Variants in PRRX1 observed in about 807,000 individuals in gnomAD.
PRRX1 encodes paired mesoderm homeobox protein 1.
PRRX1 carries 8 observed loss-of-function variants against 24.0 expected under a neutral mutation model. The observed-to-expected ratio is 0.33, with a 90% CI of 0.20 to 0.60. The LOEUF (loss-of-function observed/expected upper bound fraction) is 0.60, where lower values mean the gene tolerates loss of function less well. Ranked by LOEUF, PRRX1 falls within the 20% of genes least tolerant of loss-of-function variation. PRRX1 has a pLI of 0.82. For synonymous variants in PRRX1, 160 were observed against 131.7 expected, an observed-to-expected ratio of 1.22 and a Z score of -1.47; for missense variants, 281 against 322.4, an observed-to-expected ratio of 0.87 and a Z score of 0.98.
Position 170,664,244 on chromosome 1 carries a change from T to A in PRRX1, c.26T>A (p.Leu9Gln). The A allele has an allele frequency of 4.3e-6, 7 of 1,612,262 alleles. No individual in the cohort carries two copies. The highest frequency in any genetic ancestry group is 5.9e-6 in the Non-Finnish European group (7 of 1,179,484). The change falls in exon 1 of 4, where the codon CTG becomes CAG. Residue 9 changes from leucine (L) to glutamine (Q), a missense_variant. By Grantham distance (113) the Leu-to-Gln change is moderately radical. Coordinates refer to ENST00000239461, the MANE Select transcript of PRRX1 (RefSeq NM_022716.4). ...ATGACCTCCAGCTACGGGCACGTTC[T>A]GGAGCGGCAACCGGCGCTGGGCGGC... The part of the protein sequence containing the change: MTSSYGHV[L>Q]ERQPALGGRL...
At chr1:170,668,589 C>T (rs901002268) in intron 1 of PRRX1, 4 of 152,204 alleles carry the variant, frequency 2.6e-5, no homozygotes, top group Non-Finnish European at 4.4e-5. Flanking sequence ...AAACGCAGCG[C>T]AAAGGAATTG....
At chr1:170,689,582 T>G (rs1035488004) in intron 1 of PRRX1, among the ~76,000 whole-genome samples, 12 of 152,158 alleles carry the variant, frequency 7.9e-5, no homozygotes, top group Non-Finnish European at 1.3e-4. Flanking sequence ...TGACCAGATG[T>G]CTATGCCAAG....
chr1:170,693,756 A>C (rs1216820083), intron 1 of PRRX1, among the ~76,000 whole-genome samples: 2 of 152,074 alleles, frequency 1.3e-5, no homozygotes, highest in African/African-American at 4.8e-5. Context: ...CAGACCTTGA[A>C]TCAGACTAAA....
chr1:170,721,622 C>T (rs1383278090), intron 2 of PRRX1, among the ~76,000 whole-genome samples: 1 of 152,128 alleles, frequency 6.6e-6, no homozygotes, highest in Non-Finnish European at 1.5e-5. Flanking sequence ...CCTGTGGGGC[C>T]CCTGAGGGTA....
rs1251741705 is a variant in PRRX1, at chr1:170,713,245, A to T, written c.242-6481A>T. On this transcript the variant is annotated intron_variant, in intron 1 of 3. Coordinates refer to ENST00000239461, the MANE Select transcript of PRRX1 (RefSeq NM_022716.4). ...TGGAGTTATAGCCTAAAACAGATTCATCATCACACGGAAAATGCCCACATA... is the reference window on the plus strand; with the variant it reads ...TGGAGTTATAGCCTAAAACAGATTCTTCATCACACGGAAAATGCCCACATA... 2.0e-5 allele frequency among the ~76,000 whole-genome samples: 3 copies of T among 152,210 alleles called. No homozygotes were observed. The East Asian group carries it at 5.8e-4, about 29-fold the overall frequency.
intron 1 of PRRX1, among the ~76,000 whole-genome samples, chr1:170,693,098 G>A (rs927807585): frequency 1.3e-5 from 2 of 151,988 alleles, no homozygotes; most frequent in Non-Finnish European, 1.5e-5. Context: ...GCAATTCTGG[G>A]AGACTGCAAT....
chr1:170,662,912 G>T (rs1349061646), upstream of PRRX1: 2 of 152,122 alleles, frequency 1.3e-5, no homozygotes, highest in Non-Finnish European at 2.9e-5. Context: ...TAATCAGCAC[G>T]TTTGAAGTGA....
At chr1:170,708,245 C>A (rs1654628621) in intron 1 of PRRX1, among the ~76,000 whole-genome samples, 1 of 152,092 alleles carries the variant, frequency 6.6e-6, no homozygotes, top group Non-Finnish European at 1.5e-5. Context: ...TTCTTTAGGG[C>A]TGTTCAACAA....
At chr1:170,665,425 A>G (rs1652886457) in intron 1 of PRRX1, among the ~76,000 whole-genome samples, 1 of 152,188 alleles carries the variant, frequency 6.6e-6, no homozygotes, top group Non-Finnish European at 1.5e-5. Context: ...TGTTCATCCC[A>G]GGTGACATGT....
Position 170,737,438 on chromosome 1 carries a change from C to T in PRRX1, c.*1252C>T, listed in dbSNP as rs1267310439. The T allele has an allele frequency of 2.0e-5, 4 of 198,838 alleles. No homozygotes were observed. The highest frequency in any genetic ancestry group is 3.1e-5 in the Non-Finnish European group (3 of 96,334). 12.3% of individuals were successfully genotyped at this position (198,838 alleles called of 1,614,324 possible). On this transcript the variant is annotated 3_prime_UTR_variant, in exon 4 of 4. Coordinates refer to ENST00000239461, the MANE Select transcript of PRRX1 (RefSeq NM_022716.4). ...TATAAAAATGTCCTTGAGTTTGGAG[C>T]CTGAGCTCTGGTGAAATGCTGATAC...
chr1:170,722,906 C>T (rs1655133925), intron 2 of PRRX1, among the ~76,000 whole-genome samples: 1 of 152,106 alleles, frequency 6.6e-6, no homozygotes, highest in Admixed American at 6.6e-5. Flanking sequence ...GGGCCTAACA[C>T]ATTTAGGAGT....
chr1:170,683,390 G>C (rs1319626539), intron 1 of PRRX1, among the ~76,000 whole-genome samples: 1 of 152,194 alleles, frequency 6.6e-6, no homozygotes, highest in Admixed American at 6.5e-5. Context: ...GAGGAAAAGA[G>C]AGGACAATGT....
chr1:170,736,208 G>A lies in PRRX1; in HGVS notation c.*22G>A, dbSNP rs773183678. 1.9e-6 allele frequency: 3 copies of A among 1,613,672 alleles called. No individual in the cohort carries two copies. The highest frequency in any genetic ancestry group is 3.3e-5 in the Admixed American group (2 of 59,962). On this transcript the variant is annotated 3_prime_UTR_variant, in exon 4 of 4. Transcript: ENST00000239461. Reference sequence around the variant, plus strand: ...CTGAGGAAAAAAAATAATTAAACAGGCCTAAGAAGAAATCAAAAACCATAA... The same window carrying A: ...CTGAGGAAAAAAAATAATTAAACAGACCTAAGAAGAAATCAAAAACCATAA...
chr1:170,734,459 A>C (rs1655542410), intron 3 of PRRX1, among the ~76,000 whole-genome samples: 1 of 152,156 alleles, frequency 6.6e-6, no homozygotes, highest in Non-Finnish European at 1.5e-5. Context: ...TAGATACTAA[A>C]CAAATTATTA....
chr1:170,667,463 A>G (rs1029067730), intron 1 of PRRX1: 4 of 152,152 alleles, frequency 2.6e-5, no homozygotes, highest in African/African-American at 9.7e-5. Context: ...GACGAGTCTT[A>G]TGGTAGCAAG....
chr1:170,738,826 T>A lies in PRRX1; in HGVS notation c.*2640T>A, dbSNP rs1301756142. 2.2e-5 allele frequency: 5 copies of A among 228,608 alleles called. No homozygotes were observed. In the Admixed American group the frequency reaches 2.3e-4, roughly 10 times the overall value. The allele number at this position is 228,608 out of a possible 1,614,324, so 14.2% of individuals were successfully genotyped here. A position where few individuals can be genotyped will look rare whatever the true frequency, so the allele number is the denominator to read the frequency against. Reference sequence around the variant, plus strand: ...TGAACCCATAAACCCAAATGATAGGTGAAGTTGGGTGGTTTTATCCAATGT... The same window carrying A: ...TGAACCCATAAACCCAAATGATAGGAGAAGTTGGGTGGTTTTATCCAATGT... On this transcript the variant is annotated 3_prime_UTR_variant, in exon 4 of 4. Coordinates refer to ENST00000239461, the MANE Select transcript of PRRX1 (RefSeq NM_022716.4).
intron 1 of PRRX1, among the ~76,000 whole-genome samples, chr1:170,699,917 G>A (rs1654298659): frequency 6.6e-6 from 1 of 152,080 alleles, no homozygotes; most frequent in South Asian, 2.1e-4. Context: ...TGTATTTTTA[G>A]TAGAGATGGG....
intron 1 of PRRX1, among the ~76,000 whole-genome samples, chr1:170,691,250 G>T (rs1353439660): frequency 6.6e-6 from 1 of 151,990 alleles, no homozygotes; most frequent in Non-Finnish European, 1.5e-5. Flanking sequence ...CCAAAGAGTG[G>T]ATTAAAAAAT....
chr1:170,712,619 A>G (rs1335256201), intron 1 of PRRX1, among the ~76,000 whole-genome samples: 1 of 152,164 alleles, frequency 6.6e-6, no homozygotes, highest in East Asian at 1.9e-4. Context: ...CTCTTGTCAA[A>G]TGCCTACTAT....
Sources: gnomAD v4.1 joint callset for allele counts (sites outside exome capture counted in the v4.1 genomes callset) on GRCh38, gnomAD v4.1.1 for gene constraint, MANE v1.5 for transcripts, NCBI Gene and HGNC (gene_info 2026-07-23, HGNC 2026-07-21) for gene names.